Variants in MGAT4C observed in about 807,000 individuals in gnomAD.
MGAT4C encodes the protein alpha-1,3-mannosyl-glycoprotein 4-beta-N-acetylglucosaminyltransferase C.
A neutral mutation model predicts 40.1 loss-of-function variants in MGAT4C; 19 were observed. The ratio of observed to expected loss-of-function variants is 0.47; its 90% CI spans 0.33 to 0.70. The LOEUF is 0.70. MGAT4C is among the 30% of genes least tolerant of loss of function. MGAT4C has a pLI of 0.02. For synonymous variants in MGAT4C, 181 were observed against 187.1 expected (o/e 0.97, Z 0.27); for missense variants, 491 against 563.2 (o/e 0.87, Z 1.30).
At chr12:86,360,069 T>C (rs1396271407) in intron 3 of MGAT4C, among the ~76,000 whole-genome samples, 1 of 152,154 alleles carries the variant, frequency 6.6e-6, no homozygotes, top group African/African-American at 2.4e-5. Context: ...TGAAGAACAT[T>C]GATGCAAAAA....
At chr12:86,580,878 T>C (rs896134580) in intron 2 of MGAT4C, among the ~76,000 whole-genome samples, 2 of 151,500 alleles carry the variant, frequency 1.3e-5, no homozygotes, top group African/African-American at 4.8e-5. Context: ...TTTATAATTA[T>C]ATTGGGACAA....
At chr12:86,212,149 C>G (rs1950497464) in intron 1 of MGAT4C, among the ~76,000 whole-genome samples, 1 of 152,094 alleles carries the variant, frequency 6.6e-6, no homozygotes, top group Non-Finnish European at 1.5e-5. Flanking sequence ...AAAGAATACC[C>G]ATCTCGTTTG....
At chr12:86,649,104 T>C (rs953028672) in intron 2 of MGAT4C, among the ~76,000 whole-genome samples, 1 of 151,860 alleles carries the variant, frequency 6.6e-6, no homozygotes, top group Non-Finnish European at 1.5e-5. Flanking sequence ...GGTGATTTTT[T>C]CCAGATTTCT....
intron 1 of MGAT4C, among the ~76,000 whole-genome samples, chr12:86,835,464 G>A (rs1953018671): frequency 6.6e-6 from 1 of 151,830 alleles, no homozygotes; most frequent in Non-Finnish European, 1.5e-5. Flanking sequence ...ACTACTCTGT[G>A]CAGTTAGAAT....
intron 3 of MGAT4C, among the ~76,000 whole-genome samples, chr12:86,421,030 T>G (rs1250245833): frequency 6.6e-6 from 1 of 151,998 alleles, no homozygotes; most frequent in Non-Finnish European, 1.5e-5. Context: ...CCTTTTATAG[T>G]AATAAAATAT....
intron 1 of MGAT4C, among the ~76,000 whole-genome samples, chr12:86,220,031 C>G (rs771556406): frequency 2.6e-5 from 4 of 152,112 alleles, no homozygotes; most frequent in Admixed American, 1.3e-4. Context: ...GAAAGACTGC[C>G]CTATAATTTA....
chr12:86,526,025 A>C (rs764469223), intron 2 of MGAT4C, among the ~76,000 whole-genome samples: 3 of 152,180 alleles, frequency 2.0e-5, no homozygotes, highest in Non-Finnish European at 4.4e-5. Context: ...GCAGTTATTC[A>C]AAACAGTGGT....
At position 85,957,722 on chromosome 12, in the gene MGAT4C, C is replaced by T. The variant is rs1341337558; in HGVS notation, c.*21567G>A. On this transcript the variant is annotated 3_prime_UTR_variant, in exon 5 of 5. Coordinates refer to ENST00000611864, the MANE Select transcript of MGAT4C (RefSeq NM_001351288.2). ...CAATCCTGAAAAGAGTGAATCTAGACAGATCATATGGTAAAAATACAAACT... is the reference window on the plus strand; with the variant it reads ...CAATCCTGAAAAGAGTGAATCTAGATAGATCATATGGTAAAAATACAAACT... 7.0e-6 allele frequency: 1 copy of T among 143,716 alleles called. No individual in the cohort carries two copies. The highest frequency in any genetic ancestry group is 1.5e-5 in the Non-Finnish European group (1 of 65,844). The allele number at this position is 143,716 out of a possible 1,614,324, so 8.9% of individuals were successfully genotyped here. A position where few individuals can be genotyped will look rare whatever the true frequency, so the allele number is the denominator to read the frequency against.
At chr12:86,268,901 T>G (rs1398358279) in intron 4 of MGAT4C, among the ~76,000 whole-genome samples, 1 of 145,156 alleles carries the variant, frequency 6.9e-6, no homozygotes, top group Non-Finnish European at 1.5e-5. Context: ...GTTTTTTTTT[T>G]GCCTGAAAAA....
At position 86,151,620 on chromosome 12, in the gene MGAT4C, T is replaced by A. The variant is rs552502304; in HGVS notation, c.-56-101897A>T. On this transcript the variant is annotated intron_variant, in intron 1 of 4. Coordinates refer to ENST00000611864, the MANE Select transcript of MGAT4C (RefSeq NM_001351288.2). Reference sequence around the variant, plus strand: ...CAAAAAGAAAAAAAAAAATGGACACTATGTGTAAAGATTAGAGAATAAGTG... The same window carrying A: ...CAAAAAGAAAAAAAAAAATGGACACAATGTGTAAAGATTAGAGAATAAGTG... Among the ~76,000 whole-genome samples the A allele has an allele frequency of 2.0e-5, 3 of 152,184 alleles. No individual in the cohort carries two copies. The East Asian group carries it at 5.8e-4, about 29-fold the overall frequency.
At chr12:86,418,194 GACTA>G (rs1956754684) in intron 3 of MGAT4C, among the ~76,000 whole-genome samples, 1 of 152,118 alleles carries the variant, frequency 6.6e-6, no homozygotes, top group East Asian at 1.9e-4. Flanking sequence ...TGCTGCTCAT[GACTA>G]ACTGTAGGTA....
At chr12:86,276,113 G>A (rs1953075552) in intron 4 of MGAT4C, among the ~76,000 whole-genome samples, 2 of 97,388 alleles carry the variant, frequency 2.1e-5, no homozygotes. Context: ...GCAAGACTCC[G>A]TCAAAAAAAA....
chr12:86,760,233 T>C (rs541079149), intron 1 of MGAT4C, among the ~76,000 whole-genome samples: 30 of 152,212 alleles, frequency 2.0e-4, no homozygotes, highest in African/African-American at 6.7e-4. Flanking sequence ...AGAATGAAAG[T>C]AGACCCTTAT....
chr12:86,067,249 A>G (rs1894632580), intron 1 of MGAT4C, among the ~76,000 whole-genome samples: 1 of 152,226 alleles, frequency 6.6e-6, no homozygotes, highest in African/African-American at 2.4e-5. Context: ...CTATAAAGAT[A>G]CACTCACACA....
In MGAT4C at chr12:85,979,554, T is replaced by C. The variant is rs1411792317; in HGVS notation, c.1172A>G (p.Lys391Arg). Residue 391 changes from lysine to arginine, a missense_variant, in exon 5 of 5, where the codon AAA (lysine) becomes AGA (arginine). By Grantham distance (26) the Lys-to-Arg change is conservative. Coordinates refer to ENST00000611864, the MANE Select transcript of MGAT4C (RefSeq NM_001351288.2). Reference sequence around the variant, plus strand: ...TTCTGTTCCAGTATTTACTTTAATTTTTTTTATTATAATTGGATTTTCAAA... The same window carrying C: ...TTCTGTTCCAGTATTTACTTTAATTCTTTTTATTATAATTGGATTTTCAAA... ...IVFENPIIIK[K>R]IKVNTGTEDR... The C allele has an allele frequency of 6.2e-7, 1 of 1,609,118 alleles. No homozygotes were observed. Among genetic ancestry groups the C allele is most frequent in the African/African-American group, 1.3e-5 (1 of 74,664 alleles).
At chr12:86,587,466 G>T (rs1961105048) in intron 2 of MGAT4C, among the ~76,000 whole-genome samples, 1 of 151,974 alleles carries the variant, frequency 6.6e-6, no homozygotes, top group South Asian at 2.1e-4. Flanking sequence ...CTTTAAAGTT[G>T]TTTTTTCCAA....
At chr12:86,064,715 A>C (rs1403778038) in intron 1 of MGAT4C, among the ~76,000 whole-genome samples, 1 of 152,186 alleles carries the variant, frequency 6.6e-6, no homozygotes, top group Non-Finnish European at 1.5e-5. Context: ...AACTGAGATC[A>C]GAGCAGAACT....
intron 1 of MGAT4C, among the ~76,000 whole-genome samples, chr12:86,804,200 G>C (rs954414688): frequency 1.3e-5 from 2 of 148,900 alleles, no homozygotes; most frequent in Non-Finnish European, 3.0e-5. Flanking sequence ...CTCACTCATA[G>C]GTGGGAATTG....
At chr12:86,612,606 T>C (rs544533750) in intron 2 of MGAT4C, among the ~76,000 whole-genome samples, 9 of 151,494 alleles carry the variant, frequency 5.9e-5, no homozygotes, top group Non-Finnish European at 1.0e-4. Flanking sequence ...ACAAAAAAAT[T>C]AGAGGGCATC....
Sources: gnomAD v4.1 joint callset for allele counts (sites outside exome capture counted in the v4.1 genomes callset) on GRCh38, gnomAD v4.1.1 for gene constraint, MANE v1.5 for transcripts, NCBI Gene and HGNC (gene_info 2026-07-23, HGNC 2026-07-21) for gene names.